STK32C: variants seen among roughly 807,000 people sequenced by gnomAD.
The protein encoded by STK32C is serine/threonine kinase 32C, also known as serine/threonine-protein kinase 32C.
Under a neutral mutation model 56.5 loss-of-function variants are expected in STK32C, and 31 were observed. The ratio of observed to expected loss-of-function variants is 0.55; its 90% CI spans 0.41 to 0.74. The LOEUF (loss-of-function observed/expected upper bound fraction) is 0.74. Among genes scored for constraint, STK32C ranks in the 30% least tolerant of loss-of-function variants. STK32C has a pLI of 0.00. For missense variants in STK32C, 544 were observed against 676.9 expected (o/e 0.80, Z 2.18); for synonymous variants, 309 against 289.4 (o/e 1.07, Z -0.69).
intron 2 of STK32C, among the ~76,000 whole-genome samples, chr10:132,235,051 ACTGT>A (rs1279786241): frequency 3.3e-5 from 5 of 151,564 alleles, no homozygotes; most frequent in Non-Finnish European, 5.9e-5. Flanking sequence ...AGTGGTATGA[ACTGT>A]CTGAGTGGTG....
chr10:132,232,711 G>A (rs2063144445), intron 2 of STK32C, among the ~76,000 whole-genome samples: 1 of 151,760 alleles, frequency 6.6e-6, no homozygotes, highest in African/African-American at 2.4e-5. Context: ...CCTATGAAAC[G>A]CCACTGATGG....
chr10:132,219,372 C>T (rs2062563195), intron 10 of STK32C, among the ~76,000 whole-genome samples: 1 of 152,116 alleles, frequency 6.6e-6, no homozygotes, highest in Non-Finnish European at 1.5e-5. Context: ...GCTCCTCCCG[C>T]TCACAGGTGC....
At position 132,271,915 on chromosome 10, in the gene STK32C, G is replaced by T. The variant is rs576864028; in HGVS notation, c.263-25960C>A. Among the ~76,000 whole-genome samples the T allele has an allele frequency of 3.4e-3, 514 of 152,340 alleles. 5 individuals carry two copies. Among genetic ancestry groups the T allele is most frequent in the African/African-American group, 0.012 (480 of 41,578 alleles). On this transcript the variant is annotated intron_variant, in intron 1 of 11. Coordinates refer to ENST00000298630, the MANE Select transcript of STK32C (RefSeq NM_173575.4). ...GGGCTGCCTCAGTGACAACACCACT[G>T]CTCAGTGCCCGGACGCCCGGACCTC...
Position 132,226,877 on chromosome 10 carries a change from A to G in STK32C, c.562T>C (p.Phe188Leu), listed in dbSNP as rs1328447835. Residue 188 changes from phenylalanine to leucine, a missense_variant, in exon 4 of 12, where the codon TTC becomes CTC. Physicochemically the swap from Phe to Leu is conservative, Grantham distance 22. Transcript: ENST00000298630. ...LRYHLQQNVQ[F>L]SEDTVRLYIC... ...TACAGCCTCACCGTGTCCTCGGAGA[A>G]CTGCACGTTCTGCTGCAGGTGGTAG... 1.2e-6 allele frequency: 2 copies of G among 1,613,468 alleles called. No homozygotes were observed.
intron 10 of STK32C, among the ~76,000 whole-genome samples, chr10:132,213,655 G>A (rs2062384182): frequency 6.6e-6 from 1 of 152,194 alleles, no homozygotes; most frequent in Admixed American, 6.5e-5. Flanking sequence ...AGAGTGTGAA[G>A]AGACAATGCA....
intron 1 of STK32C, among the ~76,000 whole-genome samples, chr10:132,317,731 A>T (rs756296770): frequency 1.1e-4 from 16 of 152,248 alleles, no homozygotes; most frequent in South Asian, 2.1e-4. Flanking sequence ...TGTCTAAAAA[A>T]ATAAAAATGA....
intron 4 of STK32C, among the ~76,000 whole-genome samples, chr10:132,226,294 A>T (rs1231858194): frequency 6.6e-6 from 1 of 152,242 alleles, no homozygotes; most frequent in Non-Finnish European, 1.5e-5. Context: ...TTGCTGCGGA[A>T]TTTCAGCCTA....
At position 132,208,199 on chromosome 10, in the gene STK32C, G is replaced by A. The variant is rs1048322849; in HGVS notation, c.1320-48C>T. ...AGGGCGTTATGCCCCCACCTCCCTG[G>A]CCTCACGGTCCCATGACCTGCCCAC... is the stretch of plus-strand genomic sequence containing the variant. On this transcript the variant is annotated intron_variant, in intron 11 of 11. Coordinates refer to ENST00000298630, the MANE Select transcript of STK32C (RefSeq NM_173575.4). 3.9e-6 allele frequency: 5 copies of A among 1,289,672 alleles called. No homozygotes were observed. In the African/African-American group the frequency reaches 6.5e-5, roughly 17 times the overall value. 79.9% of individuals were successfully genotyped at this position (1,289,672 alleles called of 1,614,324 possible). A position where few individuals can be genotyped will look rare whatever the true frequency, so the allele number is the denominator to read the frequency against.
chr10:132,279,299 G>A (rs1263981869), intron 1 of STK32C, among the ~76,000 whole-genome samples: 2 of 152,130 alleles, frequency 1.3e-5, no homozygotes, highest in South Asian at 2.1e-4. Context: ...GCCATAACAC[G>A]GACTCTCGTG....
At chr10:132,278,285 G>A (rs1489470671) in intron 1 of STK32C, among the ~76,000 whole-genome samples, 5 of 152,010 alleles carry the variant, frequency 3.3e-5, no homozygotes, top group South Asian at 4.1e-4. Flanking sequence ...CCATGCCTCC[G>A]TGAGTTCTAA....
intron 2 of STK32C, among the ~76,000 whole-genome samples, chr10:132,230,667 G>A (rs981115628): frequency 1.4e-5 from 2 of 141,406 alleles, no homozygotes. Flanking sequence ...TTGCTGCTGG[G>A]GGGGAAGCTG....
intron 1 of STK32C, among the ~76,000 whole-genome samples, chr10:132,249,837 A>G (rs1044583171): frequency 2.6e-5 from 4 of 152,172 alleles, no homozygotes; most frequent in Non-Finnish European, 5.9e-5. Flanking sequence ...GCACTGCCCC[A>G]GGCTGGGCCA....
chr10:132,330,184 A>G (rs1368060389), intron 1 of STK32C: 1 of 468,554 alleles, frequency 2.1e-6, no homozygotes, highest in East Asian at 3.9e-5. Context: ...AGGGCAAAAC[A>G]TGCTCGTACA....
At chr10:132,246,527 G>A (rs1289729440) in intron 1 of STK32C, among the ~76,000 whole-genome samples, 1 of 152,210 alleles carries the variant, frequency 6.6e-6, no homozygotes, top group Non-Finnish European at 1.5e-5. Context: ...TGTCCACCAT[G>A]ACCTGTGTAG....
intron 10 of STK32C, among the ~76,000 whole-genome samples, chr10:132,220,604 A>G (rs1376181001): frequency 1.3e-5 from 2 of 152,188 alleles, no homozygotes; most frequent in Non-Finnish European, 2.9e-5. Flanking sequence ...GGAAGAACCT[A>G]CGTGGCCCCA....
chr10:132,219,409 C>A (rs983197707), intron 10 of STK32C, among the ~76,000 whole-genome samples: 1 of 152,258 alleles, frequency 6.6e-6, no homozygotes, highest in South Asian at 2.1e-4. Context: ...CCAGCCAGAG[C>A]CTCCTGGGAA....
At chr10:132,214,194 A>G (rs1245239257) in intron 10 of STK32C, among the ~76,000 whole-genome samples, 1 of 151,494 alleles carries the variant, frequency 6.6e-6, no homozygotes, top group African/African-American at 2.4e-5. Flanking sequence ...ATATTAAAAA[A>G]AAATCTGTAC....
intron 10 of STK32C, among the ~76,000 whole-genome samples, chr10:132,214,661 A>G (rs2062413074): frequency 6.6e-6 from 1 of 152,374 alleles, no homozygotes; most frequent in Non-Finnish European, 1.5e-5. Flanking sequence ...TTAAAATAAC[A>G]GTAGTAACAA....
At chr10:132,241,459 T>C (rs953510511) in intron 2 of STK32C, among the ~76,000 whole-genome samples, 1 of 152,036 alleles carries the variant, frequency 6.6e-6, no homozygotes, top group African/African-American at 2.4e-5. Context: ...CGGAACAAAA[T>C]GTGAAGAATC....
Sources: gnomAD v4.1 joint callset for allele counts (sites outside exome capture counted in the v4.1 genomes callset) on GRCh38, gnomAD v4.1.1 for gene constraint, MANE v1.5 for transcripts, NCBI Gene and HGNC (gene_info 2026-07-23, HGNC 2026-07-21) for gene names.